PLCH2: variants seen among roughly 807,000 people sequenced by gnomAD.
PLCH2 encodes the protein phospholipase C eta 2, also known as 1-phosphatidylinositol 4,5-bisphosphate phosphodiesterase eta-2.
A neutral mutation model predicts 134.7 loss-of-function variants in PLCH2; 98 were observed. The ratio of observed to expected loss-of-function variants is 0.73; its 90% CI spans 0.62 to 0.86. The LOEUF (loss-of-function observed/expected upper bound fraction) is 0.86, where lower values mean the gene tolerates loss of function less well. Among genes scored for constraint, PLCH2 ranks in the 40% least tolerant of loss-of-function variants. PLCH2 has a pLI of 0.00. For synonymous variants in PLCH2, 974 were observed against 827.5 expected (o/e 1.18, Z -3.04); for missense variants, 1,994 against 1,986.6 (o/e 1.00, Z -0.07).
intron 2 of PLCH2, among the ~76,000 whole-genome samples, chr1:2,459,470 TTCC>T (rs1640679840): frequency 3.7e-5 from 2 of 54,444 alleles, no homozygotes; most frequent in South Asian, 1.0e-3. Flanking sequence ...GTGGTTCTCC[TTCC>T]TGGTGGTCCT....
intron 2 of PLCH2, among the ~76,000 whole-genome samples, chr1:2,454,769 C>T (rs947619803): frequency 1.3e-5 from 2 of 152,192 alleles, no homozygotes; most frequent in Non-Finnish European, 2.9e-5. Flanking sequence ...TGTCCTGGCC[C>T]TTGCAGGGCT....
Position 2,479,661 on chromosome 1 carries a change from C to T in PLCH2, c.272-73C>T, listed in dbSNP as rs559371297. The T allele has an allele frequency of 7.5e-6, 11 of 1,461,228 alleles. No individual in the cohort carries two copies. The East Asian group carries it at 2.5e-4, about 33-fold the overall frequency. 90.5% of individuals were successfully genotyped at this position (1,461,228 alleles called of 1,614,324 possible). A position where few individuals can be genotyped will look rare whatever the true frequency, so the allele number is the denominator to read the frequency against. On this transcript the variant is annotated intron_variant, in intron 2 of 21. Coordinates refer to ENST00000378486, the MANE Select transcript of PLCH2 (RefSeq NM_014638.4). ...GGAGCTCCCGGCTGCTTGGTCTCCG[C>T]AGTGTTGGGGCTGCCAGCAGGGGGA... is the stretch of plus-strand genomic sequence containing the variant.
In PLCH2 at chr1:2,479,857, C is replaced by A. The variant is rs748227977; in HGVS notation, c.395C>A (p.Ser132Ter). ...FSIYHGSHRESLDLVSTSSEV... is the reference protein window; with the variant it reads ...FSIYHGSHRE ...ATCTACCACGGCAGCCACCGCGAGT[C>A]GCTGGACCTGGTCTCCACCAGCAGC... Residue 132 changes from serine (S) to a stop codon, truncating the protein, a stop_gained, in exon 3 of 22, where the codon TCG becomes TAG. Transcript: ENST00000378486. LOFTEE classifies it high-confidence loss of function. The A allele has an allele frequency of 6.2e-7, 1 of 1,611,034 alleles. No homozygotes were observed. Among genetic ancestry groups the A allele is most frequent in the Non-Finnish European group, 8.5e-7 (1 of 1,179,340 alleles).
Position 2,489,056 on chromosome 1 carries a change from C to A in PLCH2, c.1236-151C>A, listed in dbSNP as rs111848985. 1,038 of 687,506 alleles carry A rather than the reference C, an allele frequency of 1.5e-3. 13 individuals are homozygous for A. The African/African-American group carries it at 0.017, about 11-fold the overall frequency. The allele number at this position is 687,506 out of a possible 1,614,324, so 42.6% of individuals were successfully genotyped here. ...AGCCATTGACGGGTGGGCCACCTCC[C>A]AGAGCTGCTGGTAATCCCAGCTATC... is the stretch of plus-strand genomic sequence containing the variant. On this transcript the variant is annotated intron_variant, in intron 8 of 21. Coordinates refer to ENST00000378486, the MANE Select transcript of PLCH2 (RefSeq NM_014638.4).
intron 2 of PLCH2, among the ~76,000 whole-genome samples, chr1:2,446,265 C>T (rs190234106): frequency 6.6e-6 from 1 of 152,376 alleles, no homozygotes; most frequent in East Asian, 1.9e-4. Context: ...CTCTTGTCTC[C>T]AATGGCCCCT....
chr1:2,463,620 G>A (rs1488309507), upstream of PLCH2, among the ~76,000 whole-genome samples: 17 of 152,354 alleles, frequency 1.1e-4, no homozygotes, highest in African/African-American at 4.1e-4. Context: ...GCTGCTGGGA[G>A]ACAGCTGCAG....
At chr1:2,467,574 GT>G in exon 1 of PLCH2, 1 of 403,986 alleles carries the variant, frequency 2.5e-6, no homozygotes, top group Non-Finnish European at 4.4e-6. Context: ...ACAGGGCCCG[GT>G]GTCCCTCGGG....
chr1:2,479,690 T>C (rs1265244581), intron 2 of PLCH2, 44 bp from the exon 3 acceptor site: 1 of 1,505,602 alleles, frequency 6.6e-7, no homozygotes, highest in South Asian at 1.3e-5. Context: ...AGGGGGACGC[T>C]GGGCCCCCGG....
In PLCH2 at chr1:2,497,000, C is replaced by G; in HGVS notation, c.2106C>G (p.Gly702=). The G allele has an allele frequency of 6.2e-7, 1 of 1,612,828 alleles. No individual in the cohort carries two copies. The highest frequency in any genetic ancestry group is 8.5e-7 in the Non-Finnish European group (1 of 1,179,688). Residue 702 remains glycine, a synonymous_variant, in exon 15 of 22, where the codon GGC becomes GGG. Transcript: ENST00000378486. ...ACCCGCAGCCCTTCTGGAACGCCGG[C>G]TGCCAAATGGGTGGGTGCGGGCATG... is the stretch of plus-strand genomic sequence containing the variant. ...NYNPQPFWNA[G]CQMVALNYQS...
intron 11 of PLCH2, among the ~76,000 whole-genome samples, chr1:2,494,051 G>C: frequency 6.6e-6 from 1 of 152,206 alleles, no homozygotes; most frequent in East Asian, 1.9e-4. Context: ...GACCGCTGCT[G>C]CAGGCCCACG....
At chr1:2,469,600 C>G (rs1193096350) in intron 1 of PLCH2, among the ~76,000 whole-genome samples, 1 of 151,972 alleles carries the variant, frequency 6.6e-6, no homozygotes, top group Admixed American at 6.5e-5. Flanking sequence ...GCCTGGGGCC[C>G]TCTCAGGGAC....
At position 2,439,797 on chromosome 1, in the gene PLCH2, A is replaced by G. The variant is rs1639603765; in HGVS notation, c.115+9168A>G. On this transcript the variant is annotated intron_variant, in intron 2 of 3. Transcript: ENST00000609981. The surrounding 1 kb of genome is among the most constrained non-coding windows in gnomAD (Gnocchi z 4.7). ...CCAGCTGGATTCTTCTCCACTGAGG[A>G]AAGGCATTGCCTGAGAGACACCGCA... is the stretch of plus-strand genomic sequence containing the variant. Among the ~76,000 whole-genome samples the G allele has an allele frequency of 6.6e-6, 1 of 152,084 alleles. No homozygotes were observed. Among genetic ancestry groups the G allele is most frequent in the African/African-American group, 2.4e-5 (1 of 41,406 alleles).
chr1:2,503,516 G>A (rs1643352321), intron 21 of PLCH2: 2 of 670,950 alleles, frequency 3.0e-6, no homozygotes, highest in East Asian at 5.4e-5. Context: ...TCCTTAGCCT[G>A]GAGGGAGGGA....
intron 2 of PLCH2, among the ~76,000 whole-genome samples, chr1:2,461,578 C>A (rs1239569418): frequency 5.9e-5 from 9 of 152,274 alleles, no homozygotes; most frequent in African/African-American, 2.2e-4. Flanking sequence ...GGTTACCCAG[C>A]CCTGGGGCCT....
At position 2,504,600 on chromosome 1, in the gene PLCH2, C is replaced by G; in HGVS notation, c.3638C>G (p.Pro1213Arg). ...AACCTTCGGGCTACAGGCCAGCGGCCTCCCATACCTGACGAACTGCAGCCC... is the reference window on the plus strand; with the variant it reads ...AACCTTCGGGCTACAGGCCAGCGGCGTCCCATACCTGACGAACTGCAGCCC... Reference protein sequence around the residue: ...NPNLRATGQRPPIPDELQPRS... With the variant: ...NPNLRATGQRRPIPDELQPRS... Residue 1213 changes from proline (P) to arginine (R), a missense_variant, in exon 22 of 22, where the codon CCT becomes CGT. Pro to Arg is a moderately radical substitution (Grantham distance 103). Transcript: ENST00000378486. 6.2e-7 allele frequency: 1 copy of G among 1,612,754 alleles called. No individual in the cohort carries two copies. The highest frequency in any genetic ancestry group is 8.5e-7 in the Non-Finnish European group (1 of 1,179,810).
chr1:2,436,964 G>A (rs1639451939), intron 2 of PLCH2, among the ~76,000 whole-genome samples: 1 of 152,190 alleles, frequency 6.6e-6, no homozygotes, highest in African/African-American at 2.4e-5. Context: ...GTGCACCTTG[G>A]GTGGGGGTGA....
In PLCH2 at chr1:2,476,901, G is replaced by A. The variant is rs377748691; in HGVS notation, c.124+189G>A. 2.1e-3 allele frequency among the ~76,000 whole-genome samples: 316 copies of A among 152,196 alleles called. 1 individual carries two copies. Among genetic ancestry groups the A allele is most frequent in the Non-Finnish European group, 3.0e-3 (206 of 67,986 alleles). On this transcript the variant is annotated intron_variant, in intron 1 of 21. Transcript: ENST00000378486. The stretch of plus-strand genomic sequence containing the variant: ...CGTCGGCTGGCCCTGCCCCTCAGCC[G>A]CTCAGAGGCGTGCTCAGCACACCTC...
upstream of PLCH2, among the ~76,000 whole-genome samples, chr1:2,471,300 C>T (rs1218344995): frequency 1.3e-5 from 2 of 152,302 alleles, no homozygotes; most frequent in Admixed American, 1.3e-4. Flanking sequence ...TTGGCCATAG[C>T]GGGCCAGCTG....
At chr1:2,460,398 C>G (rs1033894668) in intron 2 of PLCH2, among the ~76,000 whole-genome samples, 7 of 152,218 alleles carry the variant, frequency 4.6e-5, no homozygotes, top group African/African-American at 1.4e-4. Flanking sequence ...TAGTAAACCC[C>G]GGCTGATGGC....
Sources: allele counts gnomAD v4.1 joint callset (sites outside exome capture counted in the v4.1 genomes callset), GRCh38; gene constraint gnomAD v4.1.1; non-coding constraint Gnocchi (gnomAD v3.1); transcripts MANE v1.5; gene names NCBI Gene and HGNC (gene_info 2026-07-23, HGNC 2026-07-21).